The following ATP7A variants were observed in gnomAD, a reference collection of about 807,000 sequenced individuals.
ATP7A encodes the protein ATPase copper transporting alpha, also known as copper-transporting ATPase 1.
Under a neutral mutation model 83.5 loss-of-function variants are expected in ATP7A, and 7 were observed. The ratio of observed to expected loss-of-function variants is 0.08; its 90% confidence interval spans 0.05 to 0.16. The LOEUF (loss-of-function observed/expected upper bound fraction) is 0.16, where lower values mean the gene tolerates loss of function less well. Ranked by LOEUF, ATP7A falls within the 10% of genes least tolerant of loss-of-function variation. The pLI, the probability that ATP7A is intolerant of heterozygous loss-of-function variation, is 1.00. For missense variants in ATP7A, 940 were observed against 1,120.8 expected, an observed-to-expected ratio of 0.84 and a Z score of 2.30; for synonymous variants, 354 against 395.2, an observed-to-expected ratio of 0.90 and a Z score of 1.24.
At chrX:77,941,940 A>G (rs1180733580) in intron 1 of ATP7A, among the ~76,000 whole-genome samples, 3 of 112,365 alleles carry the variant, frequency 2.7e-5, no homozygotes, top group African/African-American at 9.7e-5. Context: ...TGTGGGAACA[A>G]TGTTAACTCA....
intron 12 of ATP7A, among the ~76,000 whole-genome samples, chrX:78,018,027 C>T (rs1377050722): frequency 6.6e-5 from 7 of 105,611 alleles, no homozygotes; most frequent in Admixed American, 4.1e-4. Context: ...CAGCCGGCCT[C>T]GGCCTCCCAA....
chrX:77,947,023 A>G (rs2077383861), intron 1 of ATP7A, among the ~76,000 whole-genome samples: 1 of 112,190 alleles, frequency 8.9e-6, no homozygotes, highest in African/African-American at 3.2e-5. Context: ...TCAACAGATG[A>G]ATGAATAAAC....
intron 2 of ATP7A, among the ~76,000 whole-genome samples, chrX:77,984,324 A>C (rs1052646476): frequency 1.8e-5 from 2 of 109,879 alleles, no homozygotes; most frequent in Non-Finnish European, 3.8e-5. Flanking sequence ...TGTTGAATAC[A>C]TAAGTACCTT....
intron 16 of ATP7A, 42 bp downstream of exon 16, chrX:78,031,624 G>A (rs904440219): frequency 1.7e-6 from 2 of 1,157,364 alleles, no homozygotes; most frequent in East Asian, 3.0e-5. Flanking sequence ...GTCATCTCCT[G>A]TAGGAATTCC....
chrX:77,989,452 C>T lies in ATP7A; in HGVS notation c.830C>T (p.Ser277Leu). The change falls in exon 4 of 23, where the codon TCA (serine) becomes TTA (leucine). Residue 277 changes from serine to leucine, a missense_variant. Physicochemically the swap from Ser to Leu is moderately radical, Grantham distance 145. This residue lies in a region of ATP7A where 350 missense variants were observed against 432.8 expected (regional missense o/e 0.81). Coordinates refer to ENST00000341514, the MANE Select transcript of ATP7A (RefSeq NM_000052.7). ...QQRSPSYTND[S>L]TATFIIDGMH... ...AGGAGTCCATCATATACCAATGATT[C>T]AACAGCCACTTTCATCATTGATGGC... The T allele has an allele frequency of 8.3e-7, 1 of 1,211,637 alleles. No individual in the cohort carries two copies. The highest frequency in any genetic ancestry group is 1.1e-6 in the Non-Finnish European group (1 of 895,338).
intron 17 of ATP7A, among the ~76,000 whole-genome samples, chrX:78,034,862 G>GC (rs2078003730): frequency 1.8e-5 from 2 of 109,200 alleles, no homozygotes; most frequent in African/African-American, 6.7e-5. Context: ...TCCTGCCTCA[G>GC]CCCCCAGGAA....
Position 78,020,309 on chromosome X carries a change from G to A in ATP7A, c.2692G>A (p.Gly898Arg), listed in dbSNP as rs199888395. Residue 898 changes from glycine (G) to arginine (R), a missense_variant, in exon 13 of 23, where the codon GGG (glycine) becomes AGG (arginine). Coordinates refer to ENST00000341514, the MANE Select transcript of ATP7A (RefSeq NM_000052.7). The stretch of plus-strand genomic sequence containing the variant: ...GATTGCTGGTTCCATTAACCAGAAC[G>A]GGTCACTGCTTATCTGCGCAACACA... The part of the protein sequence containing the change: ...TVIAGSINQN[G>R]SLLICATHVG... 8.3e-7 allele frequency: 1 copy of A among 1,209,960 alleles called. No individual in the cohort carries two copies. The highest frequency in any genetic ancestry group is 1.1e-6 in the Non-Finnish European group (1 of 894,990).
chrX:77,961,856 A>G (rs1557228114), intron 1 of ATP7A, among the ~76,000 whole-genome samples: 1 of 111,193 alleles, frequency 9.0e-6, no homozygotes, highest in African/African-American at 3.3e-5. Flanking sequence ...AACTGACCTT[A>G]TGTAGGTATT....
chrX:77,969,220 C>T (rs1298169813), intron 1 of ATP7A: 5 of 1,210,407 alleles, frequency 4.1e-6, no homozygotes, highest in African/African-American at 3.5e-5. Flanking sequence ...TGCATACCTG[C>T]GATCCTTACT....
chrX:78,019,713 C>T (rs1190103516), intron 12 of ATP7A, among the ~76,000 whole-genome samples: 2 of 111,016 alleles, frequency 1.8e-5, no homozygotes, highest in Non-Finnish European at 3.8e-5. Context: ...ATCTGTCTGC[C>T]TCAGCCTCCC....
chrX:77,966,704 A>G (rs2077508108), intron 1 of ATP7A: 2 of 302,778 alleles, frequency 6.6e-6, no homozygotes, highest in Non-Finnish European at 1.3e-5. Flanking sequence ...TTTTGCAACT[A>G]CATAGTCATT....
intron 4 of ATP7A, among the ~76,000 whole-genome samples, chrX:77,995,669 A>T (rs949537419): frequency 9.9e-5 from 11 of 110,905 alleles, no homozygotes; most frequent in African/African-American, 3.6e-4. Context: ...GGCATGATAT[A>T]TGAAGTAATC....
chrX:77,974,077 C>T (rs1345550509), intron 2 of ATP7A, among the ~76,000 whole-genome samples: 1 of 109,914 alleles, frequency 9.1e-6, no homozygotes, highest in African/African-American at 3.3e-5. Flanking sequence ...GCCAAACTGA[C>T]TTATCAAACC....
intron 2 of ATP7A, among the ~76,000 whole-genome samples, chrX:77,978,649 TA>T (rs782035945): frequency 7.2e-4 from 80 of 111,422 alleles, no homozygotes; most frequent in African/African-American, 1.4e-3. Context: ...GAACTATTTT[TA>T]TTTTCTTTAT....
rs782736254 is a variant in ATP7A at position 77,989,980 on chromosome X, A to T, written c.1336+22A>T. ...TCAGGTAATTATCATTTTTTCTTTG[A>T]TTACCCTAATGTTCTTTTACTTCCA... On this transcript the variant is annotated intron_variant, in intron 4 of 22. Coordinates refer to ENST00000341514, the MANE Select transcript of ATP7A (RefSeq NM_000052.7). 9 of 1,208,833 alleles carry T rather than the reference A, an allele frequency of 7.4e-6. No homozygotes were observed. The South Asian group carries it at 1.4e-4, about 19-fold the overall frequency.
chrX:78,025,396 A>G (rs2077936390), intron 14 of ATP7A, among the ~76,000 whole-genome samples: 3 of 112,305 alleles, frequency 2.7e-5, no homozygotes, highest in East Asian at 5.6e-4. Flanking sequence ...TCCTAAGCAG[A>G]CAGATAAGTA....
intron 4 of ATP7A, among the ~76,000 whole-genome samples, chrX:77,993,873 A>T (rs1215229923): frequency 9.0e-6 from 1 of 111,399 alleles, no homozygotes; most frequent in Non-Finnish European, 1.9e-5. Context: ...GTGACTCATG[A>T]CTGTATAATA....
At chrX:77,991,782 G>C (rs2077671011) in intron 4 of ATP7A, among the ~76,000 whole-genome samples, 1 of 110,321 alleles carries the variant, frequency 9.1e-6, no homozygotes, top group Admixed American at 9.7e-5. Context: ...AGCACTTTTG[G>C]AGGCTGAGGC....
In ATP7A at chrX:77,989,710, T is replaced by A. The variant is rs1557231862; in HGVS notation, c.1088T>A (p.Leu363His). The stretch of plus-strand genomic sequence containing the variant: ...TCAAACTCTCCCTCCAGCTCATCTC[T>A]TCAGAAGATTCCTTTGAATGTAGTT... ...STSNSPSSSS[L>H]QKIPLNVVSQ... The change falls in exon 4 of 23, where the codon CTT (leucine) becomes CAT (histidine). Residue 363 changes from leucine to histidine, a missense_variant. Physicochemically the swap from Leu to His is moderately conservative, Grantham distance 99. This residue lies in a region of ATP7A where 350 missense variants were observed against 432.8 expected (regional missense o/e 0.81). Transcript: ENST00000341514. 1 of 1,211,683 alleles carries A rather than the reference T, an allele frequency of 8.3e-7. No individual in the cohort carries two copies. The highest frequency in any genetic ancestry group is 3.0e-5 in the East Asian group (1 of 33,835).
Sources: allele counts gnomAD v4.1 joint callset (sites outside exome capture counted in the v4.1 genomes callset), GRCh38; gene constraint gnomAD v4.1.1; regional missense constraint gnomAD v4.1.1; transcripts MANE v1.5; gene names NCBI Gene and HGNC (gene_info 2026-07-23, HGNC 2026-07-21).